Variants in COL11A2 observed in about 807,000 individuals in gnomAD.
COL11A2 encodes collagen type XI alpha 2 chain.
Under a neutral mutation model 273.4 loss-of-function variants are expected in COL11A2, and 116 were observed. The ratio of observed to expected loss-of-function variants is 0.42; its 90% CI spans 0.36 to 0.49. The LOEUF (loss-of-function observed/expected upper bound fraction) is 0.49, where lower values mean the gene tolerates loss of function less well. Ranked by LOEUF, COL11A2 falls within the 20% of genes least tolerant of loss-of-function variation. The pLI is 0.00. For missense variants in COL11A2, 1,866 were observed against 2,309.0 expected, an observed-to-expected ratio of 0.81 and a Z score of 3.93; for synonymous variants, 782 against 864.2, an observed-to-expected ratio of 0.90 and a Z score of 1.67.
At chr6:33,175,069 C>G (rs1325008941) in intron 30 of COL11A2, among the ~76,000 whole-genome samples, 1 of 152,234 alleles carries the variant, frequency 6.6e-6, no homozygotes, top group African/African-American at 2.4e-5. Context: ...TGAAGCCAGA[C>G]TGCCTGGGCA....
At position 33,189,253 on chromosome 6, in the gene COL11A2, C is replaced by A. The variant is rs529799523; in HGVS notation, c.233-65G>T. Reference sequence around the variant, plus strand: ...GGGAGCCGCCACAACCCCTTTCCTCCTGGTGTCTGATCCTAGGCCCCATCC... The same window carrying A: ...GGGAGCCGCCACAACCCCTTTCCTCATGGTGTCTGATCCTAGGCCCCATCC... On this transcript the variant is annotated intron_variant, in intron 2 of 65. Transcript: ENST00000341947. The surrounding 1 kb of genome is among the most constrained non-coding windows in gnomAD (Gnocchi z 5.6). The A allele has an allele frequency of 6.2e-7, 1 of 1,613,504 alleles. No homozygotes were observed. The highest frequency in any genetic ancestry group is 1.7e-5 in the Admixed American group (1 of 59,980).
At position 33,178,872 on chromosome 6, in the gene COL11A2, G is replaced by A. The variant is rs773140041; in HGVS notation, c.1665+48C>T. Reference sequence around the variant, plus strand: ...CATCCCCAAGAAACAACTGAGCCCAGCGTGGGCTGAAGGCTACAGGCTTCA... The same window carrying A: ...CATCCCCAAGAAACAACTGAGCCCAACGTGGGCTGAAGGCTACAGGCTTCA... On this transcript the variant is annotated intron_variant, in intron 17 of 65. Coordinates refer to ENST00000341947, the MANE Select transcript of COL11A2 (RefSeq NM_080680.3). This position sits in a 1 kb window ranked among gnomAD's most constrained non-coding sequence, Gnocchi z 4.6. The A allele has an allele frequency of 4.3e-6, 7 of 1,611,946 alleles. No individual in the cohort carries two copies. The South Asian group carries it at 7.7e-5, about 18-fold the overall frequency.
Position 33,173,213 on chromosome 6 carries a change from G to C in COL11A2, c.2737-100C>G. ...CCCAGGCAGGATCACACCAAGCCCT[G>C]GGCCCTGGGTCTGAGCAGCACCAGG... On this transcript the variant is annotated intron_variant, in intron 37 of 65. Transcript: ENST00000341947. The surrounding 1 kb of genome is among the most constrained non-coding windows in gnomAD (Gnocchi z 6.3). 6.5e-7 allele frequency: 1 copy of C among 1,532,676 alleles called. No homozygotes were observed. Among genetic ancestry groups the C allele is most frequent in the South Asian group, 1.2e-5 (1 of 86,516 alleles). 94.9% of individuals were successfully genotyped at this position (1,532,676 alleles called of 1,614,324 possible). A position where few individuals can be genotyped will look rare whatever the true frequency, so the allele number is the denominator to read the frequency against.
chr6:33,170,510 G>A lies in COL11A2; in HGVS notation c.3528+47C>T, dbSNP rs569193723. 2.5e-6 allele frequency: 4 copies of A among 1,603,772 alleles called. No homozygotes were observed. In the Admixed American group the frequency reaches 5.0e-5, roughly 20 times the overall value. On this transcript the variant is annotated intron_variant, in intron 47 of 65. Transcript: ENST00000341947. The surrounding 1 kb of genome is among the most constrained non-coding windows in gnomAD (Gnocchi z 4.3). ...GTGTGGGGTGGGGGCTGGCCAGGGA[G>A]GGGGGTGACTAGTATGGTGGCTAGG...
chr6:33,166,323 T>C lies in COL11A2; in HGVS notation c.4393-117A>G. On this transcript the variant is annotated intron_variant, in intron 60 of 65. Coordinates refer to ENST00000341947, the MANE Select transcript of COL11A2 (RefSeq NM_080680.3). The surrounding 1 kb of genome is among the most constrained non-coding windows in gnomAD (Gnocchi z 4.8). ...CCTCGGGTTACTACAGGAGGGGCAG[T>C]CTTGTGGGAATACTAGGACATTCAG... The C allele has an allele frequency of 7.2e-7, 1 of 1,390,058 alleles. No homozygotes were observed. The highest frequency in any genetic ancestry group is 2.2e-5 in the Admixed American group (1 of 46,476). The allele number at this position is 1,390,058 out of a possible 1,614,324, so 86.1% of individuals were successfully genotyped here.
rs1554226209 is a variant in COL11A2 at position 33,189,362 on chromosome 6, G to A, written c.190C>T (p.Arg64Ter). The A allele has an allele frequency of 6.2e-7, 1 of 1,613,392 alleles. No homozygotes were observed. The highest frequency in any genetic ancestry group is 1.1e-5 in the South Asian group (1 of 91,076). ...CPADVAYRVA[R>*]PAQLSAPTRQ... Reference sequence around the variant, plus strand: ...GTGGGTGCACTGAGCTGGGCAGGTCGTGCCACTCGGTAGGCCACATCAGCT... The same window carrying A: ...GTGGGTGCACTGAGCTGGGCAGGTCATGCCACTCGGTAGGCCACATCAGCT... Residue 64 changes from arginine to a stop codon, truncating the protein, a stop_gained, in exon 2 of 66, where the codon CGA (arginine) becomes TGA (stop). Transcript: ENST00000341947. LOFTEE classifies it high-confidence loss of function. This position sits in a 1 kb window ranked among gnomAD's most constrained non-coding sequence, Gnocchi z 5.6.
At chr6:33,181,036 G>A (rs781636097) in intron 9 of COL11A2, 31 bp from the exon 10 acceptor site, 13 of 1,614,096 alleles carry the variant, frequency 8.1e-6, no homozygotes, top group South Asian at 2.2e-5. Context: ...AATCAGAGGC[G>A]ACAGGACCAG....
chr6:33,182,045 C>T (rs2150592456), intron 8 of COL11A2, among the ~76,000 whole-genome samples: 1 of 152,214 alleles, frequency 6.6e-6, no homozygotes, highest in Non-Finnish European at 1.5e-5. Context: ...GAGGCGGAGG[C>T]AGGCAGATCA....
Position 33,163,667 on chromosome 6 carries a change from CAG to C in COL11A2, c.*9_*10del, listed in dbSNP as rs748994421. On this transcript the variant is annotated 3_prime_UTR_variant, in exon 66 of 66. Transcript: ENST00000341947. This position sits in a 1 kb window ranked among gnomAD's most constrained non-coding sequence, Gnocchi z 4.1. ...CTGGTTCCGAATGGACAGGATCAGA[CAG>C]AGACGGTCCTATCCCATGAAGCAGA... The C allele has an allele frequency of 7.0e-5, 113 of 1,612,944 alleles. No homozygotes were observed. The South Asian group carries it at 1.2e-3, about 17-fold the overall frequency.
rs368543321 is a variant in COL11A2, at chr6:33,167,441, C to G, written c.4107G>C (p.Gly1369=). Reference sequence around the variant, plus strand: ...AGTGACTCACCACTGAGCCTGGGAGCCCCCTCAGACCATCAGGGCCAGGTT... The same window carrying G: ...AGTGACTCACCACTGAGCCTGGGAGGCCCCTCAGACCATCAGGGCCAGGTT... The part of the protein sequence containing the change: ...AGKPGPDGLR[G]LPGSVGQQGR... Residue 1369 remains glycine (G), a synonymous_variant, in exon 56 of 66, where the codon GGG becomes GGC. Transcript: ENST00000341947. The surrounding 1 kb of genome is among the most constrained non-coding windows in gnomAD (Gnocchi z 6.1). The G allele has an allele frequency of 6.2e-7, 1 of 1,612,886 alleles. No individual in the cohort carries two copies. The highest frequency in any genetic ancestry group is 1.1e-5 in the South Asian group (1 of 91,078).
Position 33,174,532 on chromosome 6 carries a change from G to A in COL11A2, c.2425C>T (p.Pro809Ser), listed in dbSNP as rs1483323590. ...GLPGYPGRQG[P>S]KGSLGFPGFP... ...CGTATGGGGCATGGCATCACCTTGG[G>A]TCCCTGACGTCCAGGATAGCCAGGC... is the stretch of plus-strand genomic sequence containing the variant. Residue 809 changes from proline to serine, a missense_variant, in exon 31 of 66, where the codon CCC (proline) becomes TCC (serine). Pro to Ser is a moderately conservative substitution (Grantham distance 74). Coordinates refer to ENST00000341947, the MANE Select transcript of COL11A2 (RefSeq NM_080680.3). 6.2e-7 allele frequency: 1 copy of A among 1,612,622 alleles called. No homozygotes were observed. Among genetic ancestry groups the A allele is most frequent in the Non-Finnish European group, 8.5e-7 (1 of 1,179,926 alleles).
Position 33,172,234 on chromosome 6 carries a change from G to A in COL11A2, c.2988+55C>T, listed in dbSNP as rs1415296886. 3.6e-5 allele frequency: 56 copies of A among 1,563,364 alleles called. No homozygotes were observed. In the Admixed American group the frequency reaches 4.0e-4, roughly 11 times the overall value. ...GGGGGTCAGGGACAGGGTCGGGGTG[G>A]GGACTCAGGATGCTTGGTGCTTGTG... is the stretch of plus-strand genomic sequence containing the variant. On this transcript the variant is annotated intron_variant, in intron 40 of 65. Coordinates refer to ENST00000341947, the MANE Select transcript of COL11A2 (RefSeq NM_080680.3).
Position 33,173,991 on chromosome 6 carries a change from T to C in COL11A2, c.2529+20A>G. 1 of 1,613,916 alleles carries C rather than the reference T, an allele frequency of 6.2e-7. No individual in the cohort carries two copies. The highest frequency in any genetic ancestry group is 1.3e-5 in the African/African-American group (1 of 74,940). On this transcript the variant is annotated intron_variant, in intron 33 of 65. Coordinates refer to ENST00000341947, the MANE Select transcript of COL11A2 (RefSeq NM_080680.3). The surrounding 1 kb of genome is among the most constrained non-coding windows in gnomAD (Gnocchi z 6.3). The stretch of plus-strand genomic sequence containing the variant: ...CCCCCTCTGGACCTTGAGCCACCTG[T>C]TTCTCTCCCCTGCACTCACCGTGGG...
rs1324086441 is a variant in COL11A2, at chr6:33,166,359, G to C, written c.4393-153C>G. ...TACTAGGACATTCAGAGCCCTGGAAGTATGGGGAGGAGGTACTGGTGGTGA... is the reference window on the plus strand; with the variant it reads ...TACTAGGACATTCAGAGCCCTGGAACTATGGGGAGGAGGTACTGGTGGTGA... On this transcript the variant is annotated intron_variant, in intron 60 of 65. Transcript: ENST00000341947. The surrounding 1 kb of genome is among the most constrained non-coding windows in gnomAD (Gnocchi z 4.8). 6.6e-6 allele frequency among the ~76,000 whole-genome samples: 1 copy of C among 152,168 alleles called. No homozygotes were observed. Among genetic ancestry groups the C allele is most frequent in the Non-Finnish European group, 1.5e-5 (1 of 68,040 alleles).
In COL11A2 at chr6:33,181,163, T is replaced by C. The variant is rs138186336; in HGVS notation, c.1127A>G (p.His376Arg). The C allele has an allele frequency of 6.2e-6, 10 of 1,614,046 alleles. No homozygotes were observed. Among genetic ancestry groups the C allele is most frequent in the Admixed American group, 1.7e-5 (1 of 60,008 alleles). The change falls in exon 9 of 66, where the codon CAT becomes CGT. Residue 376 changes from histidine to arginine, a missense_variant. Physicochemically the swap from His to Arg is conservative, Grantham distance 29 (BLOSUM62 0). Coordinates refer to ENST00000341947, the MANE Select transcript of COL11A2 (RefSeq NM_080680.3). ...CTCTCCCTTCAGCCCTCGGGGTCCATGGGCAGCCTGAAGGAGACACACATG... is the reference window on the plus strand; with the variant it reads ...CTCTCCCTTCAGCCCTCGGGGTCCACGGGCAGCCTGAAGGAGACACACATG... The part of the protein sequence containing the change: ...AETAHSGAAA[H>R]GPRGLKGEKG...
Position 33,189,196 on chromosome 6 carries a change from C to A in COL11A2, c.233-8G>T, listed in dbSNP as rs375268140. Reference sequence around the variant, plus strand: ...AATCTTTGGGAAATCCTCCTAGTAACCGAGAGAGATACACACAGAGTGAGA... The same window carrying A: ...AATCTTTGGGAAATCCTCCTAGTAAACGAGAGAGATACACACAGAGTGAGA... On this transcript the variant is annotated splice_region_variant and splice_polypyrimidine_tract_variant and intron_variant, in intron 2 of 65. Coordinates refer to ENST00000341947, the MANE Select transcript of COL11A2 (RefSeq NM_080680.3). This position sits in a 1 kb window ranked among gnomAD's most constrained non-coding sequence, Gnocchi z 5.6. 307 of 1,613,554 alleles carry A rather than the reference C, an allele frequency of 1.9e-4. No individual in the cohort carries two copies. The highest frequency in any genetic ancestry group is 6.6e-4 in the Middle Eastern group (4 of 6,084).
Position 33,179,781 on chromosome 6 carries a change from C to T in COL11A2, c.1384G>A (p.Asp462Asn). ...TGGGCCGCCACCACAGGGCCCTTGT[C>T]ACCCCCACCACTGCCAAACCGGAAC... ...LPFRFGSGGG[D>N]KGPVVAAQEA... The change falls in exon 13 of 66, where the codon GAC (aspartate) becomes AAC (asparagine). Residue 462 changes from aspartate (D) to asparagine (N), a missense_variant. By Grantham distance (23) the Asp-to-Asn change is conservative (BLOSUM62 1). Coordinates refer to ENST00000341947, the MANE Select transcript of COL11A2 (RefSeq NM_080680.3). This position sits in a 1 kb window ranked among gnomAD's most constrained non-coding sequence, Gnocchi z 6.4. 1 of 1,611,804 alleles carries T rather than the reference C, an allele frequency of 6.2e-7. No homozygotes were observed. The highest frequency in any genetic ancestry group is 8.5e-7 in the Non-Finnish European group (1 of 1,180,018).
chr6:33,181,363 T>A (rs959876279), intron 8 of COL11A2, among the ~76,000 whole-genome samples, 193 bp from the exon 9 acceptor site: 1 of 135,740 alleles, frequency 7.4e-6, no homozygotes, highest in Non-Finnish European at 1.6e-5. Flanking sequence ...GACCTCAGGG[T>A]TCCCTGCCCC....
intron 7 of COL11A2, 77 bp downstream of exon 7, chr6:33,184,915 A>C: frequency 8.1e-7 from 1 of 1,240,302 alleles, no homozygotes; most frequent in Non-Finnish European, 1.2e-6. Flanking sequence ...TGGTCCATCA[A>C]GACGTCATGG....
Sources: gnomAD v4.1 joint callset for allele counts (sites outside exome capture counted in the v4.1 genomes callset) on GRCh38, gnomAD v4.1.1 for gene constraint, Gnocchi (gnomAD v3.1) non-coding constraint, MANE v1.5 for transcripts, NCBI Gene and HGNC (gene_info 2026-07-23, HGNC 2026-07-21) for gene names.